Variants in ULK3 observed in about 807,000 individuals in gnomAD.
The protein encoded by ULK3 is unc-51 like kinase 3.
ULK3 carries 54 observed loss-of-function variants against 69.4 expected under a neutral mutation model. The ratio of observed to expected loss-of-function variants is 0.78; its 90% confidence interval spans 0.63 to 0.98. The LOEUF (loss-of-function observed/expected upper bound fraction) is 0.98, where lower values mean the gene tolerates loss of function less well. Among genes scored for constraint, ULK3 ranks in the 50% least tolerant of loss-of-function variants. ULK3 has a pLI of 0.00. For synonymous variants in ULK3, 240 were observed against 254.5 expected (o/e 0.94, Z 0.54); for missense variants, 558 against 627.7 (o/e 0.89, Z 1.19).
At position 74,837,419 on chromosome 15, in the gene ULK3, C is replaced by T. The variant is rs1363491191; in HGVS notation, c.1352G>A (p.Trp451Ter). 1 of 1,612,350 alleles carries T rather than the reference C, an allele frequency of 6.2e-7. No individual in the cohort carries two copies. The highest frequency in any genetic ancestry group is 1.3e-5 in the African/African-American group (1 of 74,982). The change falls in exon 15 of 16, where the codon TGG (tryptophan) becomes TAG (stop). Residue 451 changes from tryptophan to a stop codon, truncating the protein, a stop_gained. Coordinates refer to ENST00000440863, the MANE Select transcript of ULK3 (RefSeq NM_001099436.4). LOFTEE classifies it high-confidence loss of function. ...CTCTTTGTCCAGGGTGTCAGCTTCCCAGCGAGATTCCCTCATCTGTGGGAT... is the reference window on the plus strand; with the variant it reads ...CTCTTTGTCCAGGGTGTCAGCTTCCTAGCGAGATTCCCTCATCTGTGGGAT... ...KEQVKMRESR[W>*]EADTLDKEGL...
At chr15:74,841,599 T>G in intron 3 of ULK3, 90 bp from the exon 4 acceptor site, 1 of 1,041,226 alleles carries the variant, frequency 9.6e-7, no homozygotes, top group Non-Finnish European at 1.5e-6. Context: ...TCCTCAAGCC[T>G]GCACAACCCC....
rs190700169 is a variant in ULK3 at position 74,837,836 on chromosome 15, G to C, written c.1288-38C>G. ...GATATGCCCTTGGGTGTGGGGGAGA[G>C]TGGCGGGGGGTGGGGTTTCAAAGGG... On this transcript the variant is annotated intron_variant, in intron 13 of 15. Coordinates refer to ENST00000440863, the MANE Select transcript of ULK3 (RefSeq NM_001099436.4). 45 of 1,552,552 alleles carry C rather than the reference G, an allele frequency of 2.9e-5. 1 individual carries two copies. The Admixed American group carries it at 6.7e-4, about 23-fold the overall frequency.
rs1288655508 is a variant in ULK3, at chr15:74,838,307, A to T, written c.1205T>A (p.Leu402Gln). Residue 402 changes from leucine (L) to glutamine (Q), a missense_variant, in exon 12 of 16, where the codon CTG becomes CAG. Coordinates refer to ENST00000440863, the MANE Select transcript of ULK3 (RefSeq NM_001099436.4). ...AAGGEQDALD[L>Q]YQHSLGELLL... ...TAGCTCCCCCAGGCTGTGCTGGTAC[A>T]GGTCCAGGGCATCCTGCTCCCCGCC... 2 of 1,566,306 alleles carry T rather than the reference A, an allele frequency of 1.3e-6. No homozygotes were observed.
chr15:74,839,247 C>T (rs1177281204), intron 8 of ULK3, 21 bp downstream of exon 8: 1 of 1,551,700 alleles, frequency 6.4e-7, no homozygotes, highest in Admixed American at 2.0e-5. Context: ...CCACGGGCTT[C>T]AGGCATGGCC....
chr15:74,842,049 G>C lies in ULK3; in HGVS notation c.364+26C>G. 5.6e-6 allele frequency: 9 copies of C among 1,613,286 alleles called. No homozygotes were observed. The highest frequency in any genetic ancestry group is 7.6e-6 in the Non-Finnish European group (9 of 1,179,822). On this transcript the variant is annotated intron_variant, in intron 3 of 15. Coordinates refer to ENST00000440863, the MANE Select transcript of ULK3 (RefSeq NM_001099436.4). This position sits in a 1 kb window ranked among gnomAD's most constrained non-coding sequence, Gnocchi z 4.9. ...GGGGGCAGAGAACAAGGGACAGAGT[G>C]TCAGGCTGGTGTCACAGGCCTTTAC...
At chr15:74,838,367 C>A (rs1221887670) in intron 11 of ULK3, 23 bp from the exon 12 acceptor site, 1 of 1,564,652 alleles carries the variant, frequency 6.4e-7, no homozygotes, top group African/African-American at 1.4e-5. Context: ...GGACACCAGG[C>A]TGCTTAGGGT....
At position 74,842,889 on chromosome 15, in the gene ULK3, A is replaced by C. The variant is rs1022671226; in HGVS notation, c.102+115T>G. The C allele has an allele frequency of 3.7e-6, 5 of 1,355,242 alleles. No homozygotes were observed. The Admixed American group carries it at 1.2e-4, about 33-fold the overall frequency. 84.0% of individuals were successfully genotyped at this position (1,355,242 alleles called of 1,614,324 possible). ...CCTCCGCCGAGGGTCAGCTGGGGCGAGGCCGGCCTCCCGCCCCTAACTATT... is the reference window on the plus strand; with the variant it reads ...CCTCCGCCGAGGGTCAGCTGGGGCGCGGCCGGCCTCCCGCCCCTAACTATT... On this transcript the variant is annotated intron_variant, in intron 1 of 15. Coordinates refer to ENST00000440863, the MANE Select transcript of ULK3 (RefSeq NM_001099436.4). This position sits in a 1 kb window ranked among gnomAD's most constrained non-coding sequence, Gnocchi z 4.9.
At position 74,837,876 on chromosome 15, in the gene ULK3, C is replaced by T. The variant is rs1178784250; in HGVS notation, c.1288-78G>A. 3 of 1,411,592 alleles carry T rather than the reference C, an allele frequency of 2.1e-6. No homozygotes were observed. The African/African-American group carries it at 4.3e-5, about 20-fold the overall frequency. 87.4% of individuals were successfully genotyped at this position (1,411,592 alleles called of 1,614,324 possible). ...GTTTCAAAGGGAACTCCTCCTCACC[C>T]CTGATGCTCTCCAGAACCCTCTGCC... On this transcript the variant is annotated intron_variant, in intron 13 of 15. Transcript: ENST00000440863.
At chr15:74,837,689 C>G (rs1218109933) in intron 14 of ULK3, 62 bp downstream of exon 14, 4 of 1,539,322 alleles carry the variant, frequency 2.6e-6, no homozygotes, top group Non-Finnish European at 3.5e-6. Flanking sequence ...GGGACGACAG[C>G]CACAAGCAGA....
In ULK3 at chr15:74,839,553, C is replaced by T; in HGVS notation, c.852+5G>A. 4 of 1,554,020 alleles carry T rather than the reference C, an allele frequency of 2.6e-6. No homozygotes were observed. The highest frequency in any genetic ancestry group is 3.5e-6 in the Non-Finnish European group (4 of 1,150,786). ...AGCCCACCCCAGCCCCAGCCGTCTG[C>T]TCACTGCTCGCCCCAGACTCTCCCC... On this transcript the variant is annotated splice_donor_5th_base_variant and intron_variant, in intron 7 of 15. Transcript: ENST00000440863.
rs1269439388 is a variant in ULK3 at position 74,842,486 on chromosome 15, C to T, written c.103-66G>A. ...CAGGACCCTTGTCTGACTGGAAAGGCTCTATCTGGTTCCCTCTGTTCCCCC... is the reference window on the plus strand; with the variant it reads ...CAGGACCCTTGTCTGACTGGAAAGGTTCTATCTGGTTCCCTCTGTTCCCCC... On this transcript the variant is annotated intron_variant, in intron 1 of 15. Coordinates refer to ENST00000440863, the MANE Select transcript of ULK3 (RefSeq NM_001099436.4). The surrounding 1 kb of genome is among the most constrained non-coding windows in gnomAD (Gnocchi z 4.9). 3 of 1,610,684 alleles carry T rather than the reference C, an allele frequency of 1.9e-6. No individual in the cohort carries two copies. The East Asian group carries it at 6.7e-5, about 36-fold the overall frequency.
At chr15:74,838,218 G>C (rs1264674543) in intron 12 of ULK3, 26 bp from the exon 13 acceptor site, 2 of 1,567,560 alleles carry the variant, frequency 1.3e-6, no homozygotes, top group East Asian at 4.7e-5. Context: ...GTGTGGTGAG[G>C]ACAGGGTGGC....
rs1347251277 is a variant in ULK3, at chr15:74,841,618, C to T, written c.365-109G>A. ...CAAGCCTGCACAACCCCAGTTCCTG[C>T]CTGGCTGGTCTAATGTTTTCCATAT... On this transcript the variant is annotated intron_variant, in intron 3 of 15. Coordinates refer to ENST00000440863, the MANE Select transcript of ULK3 (RefSeq NM_001099436.4). 1.3e-5 allele frequency: 11 copies of T among 877,542 alleles called. No individual in the cohort carries two copies. In the African/African-American group the frequency reaches 1.7e-4, roughly 13 times the overall value. 54.4% of individuals were successfully genotyped at this position (877,542 alleles called of 1,614,324 possible). A position where few individuals can be genotyped will look rare whatever the true frequency, so the allele number is the denominator to read the frequency against.
At chr15:74,840,900 C>A (rs1378517670) in intron 4 of ULK3, among the ~76,000 whole-genome samples, 9 of 152,100 alleles carry the variant, frequency 5.9e-5, no homozygotes, top group Non-Finnish European at 1.0e-4. Context: ...CATAAGCCCC[C>A]ACCCTCTCAC....
In ULK3 at chr15:74,837,362, G is replaced by T; in HGVS notation, c.1402+7C>A. The T allele has an allele frequency of 6.2e-7, 1 of 1,613,190 alleles. No individual in the cohort carries two copies. Among genetic ancestry groups the T allele is most frequent in the Non-Finnish European group, 8.5e-7 (1 of 1,179,582 alleles). On this transcript the variant is annotated splice_region_variant and intron_variant, in intron 15 of 15. Coordinates refer to ENST00000440863, the MANE Select transcript of ULK3 (RefSeq NM_001099436.4). ...GGATGGAGGATCGACCCCAGGGCAG[G>T]ACTCACAGCTACGAACAGATTCCGA...
At position 74,842,366 on chromosome 15, in the gene ULK3, T is replaced by C. The variant is rs2064288338; in HGVS notation, c.157A>G (p.Lys53Glu). ...IKCVAKKSLN[K>E]ASVENLLTEI... is the part of the protein sequence containing the mutation. ...GTGAGGAGGTTCTCCACCGATGCCTTGTTCAGACTTTTCTTGGCTACACAC... is the reference window on the plus strand; with the variant it reads ...GTGAGGAGGTTCTCCACCGATGCCTCGTTCAGACTTTTCTTGGCTACACAC... Residue 53 changes from lysine (K) to glutamate (E), a missense_variant, in exon 2 of 16, where the codon AAG (lysine) becomes GAG (glutamate). Coordinates refer to ENST00000440863, the MANE Select transcript of ULK3 (RefSeq NM_001099436.4). The surrounding 1 kb of genome is among the most constrained non-coding windows in gnomAD (Gnocchi z 4.9). The C allele has an allele frequency of 6.2e-7, 1 of 1,613,896 alleles. No individual in the cohort carries two copies. The highest frequency in any genetic ancestry group is 8.5e-7 in the Non-Finnish European group (1 of 1,179,906).
At chr15:74,840,061 C>T (rs1224270291) in intron 6 of ULK3, among the ~76,000 whole-genome samples, 173 bp downstream of exon 6, 1 of 152,182 alleles carries the variant, frequency 6.6e-6, no homozygotes. Flanking sequence ...GTGGGCTGAC[C>T]TGAGGCCCTG....
Position 74,842,650 on chromosome 15 carries a change from G to A in ULK3, c.103-230C>T. ...TCAGCCTGGTCTTCTCCAACCCTCG[G>A]CTAGCTGATCCATTTCTTTGCATTC... On this transcript the variant is annotated intron_variant, in intron 1 of 15. Coordinates refer to ENST00000440863, the MANE Select transcript of ULK3 (RefSeq NM_001099436.4). This position sits in a 1 kb window ranked among gnomAD's most constrained non-coding sequence, Gnocchi z 4.9. 3 of 1,536,274 alleles carry A rather than the reference G, an allele frequency of 2.0e-6. No homozygotes were observed. The highest frequency in any genetic ancestry group is 2.6e-6 in the Non-Finnish European group (3 of 1,147,168).
Position 74,840,765 on chromosome 15 carries a change from C to T in ULK3, c.470-124G>A, listed in dbSNP as rs982276064. On this transcript the variant is annotated intron_variant, in intron 4 of 15. Coordinates refer to ENST00000440863, the MANE Select transcript of ULK3 (RefSeq NM_001099436.4). The stretch of plus-strand genomic sequence containing the variant: ...GCCAGGATCAACCCTATTTCCAAGC[C>T]TCTGCTCATCATTAGGCTGGAACAC... 8 of 1,297,664 alleles carry T rather than the reference C, an allele frequency of 6.2e-6. No individual in the cohort carries two copies. In the Admixed American group the frequency reaches 2.4e-4, roughly 38 times the overall value. The allele number at this position is 1,297,664 out of a possible 1,614,324, so 80.4% of individuals were successfully genotyped here.
Sources: gnomAD v4.1 joint callset for allele counts (sites outside exome capture counted in the v4.1 genomes callset) on GRCh38, gnomAD v4.1.1 for gene constraint, Gnocchi (gnomAD v3.1) non-coding constraint, MANE v1.5 for transcripts, NCBI Gene and HGNC (gene_info 2026-07-23, HGNC 2026-07-21) for gene names.